ACSF3: variants seen among roughly 807,000 people sequenced by gnomAD.
ACSF3 encodes the protein malonate--CoA ligase ACSF3, mitochondrial.
A neutral mutation model predicts 53.2 loss-of-function variants in ACSF3; 78 were observed. The observed-to-expected ratio is 1.47, with a 90% CI of 1.22 to 1.77. ACSF3 has a LOEUF of 1.77. Among genes scored for constraint, ACSF3 ranks in the 40% most tolerant of loss-of-function variants. The pLI, the probability that ACSF3 is intolerant of heterozygous loss-of-function variation, is 0.00. For synonymous variants in ACSF3, 414 were observed against 333.1 expected, an observed-to-expected ratio of 1.24 and a Z score of -2.65; for missense variants, 937 against 771.1, an observed-to-expected ratio of 1.22 and a Z score of -2.55.
At chr16:89,118,476 C>T (rs1905756832) in intron 6 of ACSF3, among the ~76,000 whole-genome samples, 2 of 152,252 alleles carry the variant, frequency 1.3e-5, no homozygotes, top group South Asian at 4.1e-4. Context: ...CCCTGGTGGC[C>T]ATGGCCTTGA....
intron 8 of ACSF3, among the ~76,000 whole-genome samples, chr16:89,138,155 C>T (rs190435997): frequency 6.6e-6 from 1 of 152,218 alleles, no homozygotes; most frequent in African/African-American, 2.4e-5. Context: ...TGGGGACCGG[C>T]AGTGTCGTGG....
chr16:89,135,071 G>GTT lies in ACSF3; in HGVS notation c.1366+1827_1366+1828dup, dbSNP rs76337118. ...GATTGCGGTGGTTTTTCTTTTCCTG[G>GTT]TTTTTTTTTTTTTTTTTTTGGCCTG... is the stretch of plus-strand genomic sequence containing the variant. On this transcript the variant is annotated intron_variant, in intron 8 of 10. Transcript: ENST00000614302. 1.2e-3 allele frequency among the ~76,000 whole-genome samples: 141 copies of GTT among 115,612 alleles called. 1 individual carries two copies. The highest frequency in any genetic ancestry group is 3.3e-3 in the African/African-American group (103 of 30,818). 75.8% of individuals were successfully genotyped at this position (115,612 alleles called of 152,430 possible).
chr16:89,104,580 C>G (rs528245990), intron 4 of ACSF3, among the ~76,000 whole-genome samples: 4 of 152,282 alleles, frequency 2.6e-5, no homozygotes, highest in Non-Finnish European at 5.9e-5. Flanking sequence ...GGAAGGGGTC[C>G]CTGCAAGCAG....
At chr16:89,115,971 T>G (rs1905059053) in intron 6 of ACSF3, among the ~76,000 whole-genome samples, 2 of 152,234 alleles carry the variant, frequency 1.3e-5, no homozygotes, top group South Asian at 2.1e-4. Flanking sequence ...GTCTTTAAAA[T>G]CAGGAGTTTT....
chr16:89,151,018 GA>G, intron 10 of ACSF3: 1 of 1,288,740 alleles, frequency 7.8e-7, no homozygotes, highest in Non-Finnish European at 1.0e-6. Context: ...CAAAGGTCAT[GA>G]GTTTTCAGGT....
intron 6 of ACSF3, chr16:89,114,820 G>A: frequency 2.5e-6 from 1 of 395,054 alleles, no homozygotes; most frequent in South Asian, 2.1e-5. Context: ...CCATGCTGTT[G>A]GCTCCAGACC....
intron 8 of ACSF3, among the ~76,000 whole-genome samples, chr16:89,137,297 C>T (rs1254822113): frequency 6.7e-6 from 1 of 150,006 alleles, no homozygotes; most frequent in Non-Finnish European, 1.5e-5. Context: ...CTCGGGAGGA[C>T]CACCAGGAGC....
chr16:89,128,637 G>A (rs1908649212), intron 7 of ACSF3, among the ~76,000 whole-genome samples: 1 of 152,050 alleles, frequency 6.6e-6, no homozygotes, highest in African/African-American at 2.4e-5. Context: ...TTGACTTGTG[G>A]ATTATTTAGA....
chr16:89,128,953 C>T (rs1908721043), intron 7 of ACSF3, among the ~76,000 whole-genome samples: 1 of 133,044 alleles, frequency 7.5e-6, no homozygotes, highest in Admixed American at 8.4e-5. Flanking sequence ...TAGTGAGACC[C>T]CATCTCTACA....
intron 6 of ACSF3, among the ~76,000 whole-genome samples, chr16:89,119,260 T>C (rs1003904753): frequency 6.6e-6 from 1 of 151,608 alleles, no homozygotes; most frequent in East Asian, 2.0e-4. Context: ...CCCCCGCCCC[T>C]ACCCCAGCCG....
At chr16:89,138,081 A>C (rs970519594) in intron 8 of ACSF3, among the ~76,000 whole-genome samples, 2 of 152,186 alleles carry the variant, frequency 1.3e-5, no homozygotes, top group South Asian at 4.1e-4. Context: ...GAGGGACAGC[A>C]GCCCCAGCCG....
intron 7 of ACSF3, among the ~76,000 whole-genome samples, chr16:89,123,787 A>G (rs1720104086): frequency 6.6e-6 from 1 of 152,164 alleles, no homozygotes; most frequent in South Asian, 2.1e-4. Context: ...GGGCCAGAGT[A>G]TCTGGACCCT....
chr16:89,135,018 C>T (rs982971613), intron 8 of ACSF3, among the ~76,000 whole-genome samples: 9 of 150,526 alleles, frequency 6.0e-5, no homozygotes, highest in African/African-American at 2.2e-4. Context: ...GGAAGATGTG[C>T]ACGTTGCTCC....
rs2151453873 is a variant in ACSF3, at chr16:89,114,351, A to G, written c.990A>G (p.Ser330=). Residue 330 remains serine, a synonymous_variant, in exon 6 of 11, where the codon TCA becomes TCG. Coordinates refer to ENST00000614302, the MANE Select transcript of ACSF3 (RefSeq NM_001243279.3). ...TTGTGCCGCGTAGGCTGATGGTCTC[A>G]GGCTCAGCTGCCCTGCCCCTCCCAG... The part of the protein sequence containing the change: ...VCEEKIRLMV[S]GSAALPLPVL... 15 of 1,614,026 alleles carry G rather than the reference A, an allele frequency of 9.3e-6. No homozygotes were observed. Among genetic ancestry groups the G allele is most frequent in the Non-Finnish European group, 1.3e-5 (15 of 1,180,012 alleles).
intron 1 of ACSF3, among the ~76,000 whole-genome samples, chr16:89,098,056 AG>A (rs1974826901): frequency 1.3e-5 from 2 of 151,938 alleles, no homozygotes; most frequent in South Asian, 4.2e-4. Flanking sequence ...CCTGGGTGAC[AG>A]AGCGAGACTC....
In ACSF3 at chr16:89,114,476, T is replaced by C. The variant is rs2151454762; in HGVS notation, c.1115T>C (p.Val372Ala). ...MALSGPLTTA[V>A]RLPGSVGTPL... ...CTGTCCGGGCCCCTGACCACTGCCG[T>C]GCGCCTGCCAGGTACGAGCACTTCC... Residue 372 changes from valine to alanine, a missense_variant, in exon 6 of 11, where the codon GTG becomes GCG. Physicochemically the swap from Val to Ala is moderately conservative, Grantham distance 64. Coordinates refer to ENST00000614302, the MANE Select transcript of ACSF3 (RefSeq NM_001243279.3). 1.1e-5 allele frequency: 18 copies of C among 1,611,982 alleles called. No homozygotes were observed. The highest frequency in any genetic ancestry group is 1.5e-5 in the Non-Finnish European group (18 of 1,179,992).
chr16:89,126,150 C>G (rs1488074738), intron 7 of ACSF3, among the ~76,000 whole-genome samples: 1 of 152,208 alleles, frequency 6.6e-6, no homozygotes, highest in Non-Finnish European at 1.5e-5. Flanking sequence ...CATATAGATG[C>G]TGTACTTGTG....
intron 7 of ACSF3, among the ~76,000 whole-genome samples, chr16:89,123,998 GCA>G (rs922576835): frequency 2.7e-4 from 36 of 133,752 alleles, no homozygotes; most frequent in African/African-American, 8.2e-4. Context: ...CACATGCAGT[GCA>G]CACACAGGTA....
chr16:89,155,807 T>G lies in ACSF3; in HGVS notation c.*1600T>G, dbSNP rs555704269. ...CTCCTTTAATCCTGAAACTTTTGAT[T>G]CCTAAAAAGCTTACATAATCATTTG... On this transcript the variant is annotated 3_prime_UTR_variant, in exon 11 of 11. Transcript: ENST00000614302. The G allele has an allele frequency of 8.8e-6, 4 of 453,562 alleles. No homozygotes were observed. The highest frequency in any genetic ancestry group is 6.9e-5 in the East Asian group (1 of 14,400). 28.1% of individuals were successfully genotyped at this position (453,562 alleles called of 1,614,324 possible). A position where few individuals can be genotyped will look rare whatever the true frequency, so the allele number is the denominator to read the frequency against.
Sources: gnomAD v4.1 joint callset for allele counts (sites outside exome capture counted in the v4.1 genomes callset) on GRCh38, gnomAD v4.1.1 for gene constraint, MANE v1.5 for transcripts, NCBI Gene and HGNC (gene_info 2026-07-23, HGNC 2026-07-21) for gene names.